The following DPH6 variants were observed in gnomAD, a reference collection of about 807,000 sequenced individuals.
The protein encoded by DPH6 is diphthine--ammonia ligase.
A neutral mutation model predicts 38.2 loss-of-function variants in DPH6; 33 were observed. The ratio of observed to expected loss-of-function variants is 0.86; its 90% CI spans 0.65 to 1.15. The LOEUF is 1.15. Among genes scored for constraint, DPH6 ranks in the 50% most tolerant of loss-of-function variants. The pLI, the probability that DPH6 is intolerant of heterozygous loss-of-function variation, is 0.00. For synonymous variants in DPH6, 108 were observed against 103.0 expected, an observed-to-expected ratio of 1.05 and a Z score of -0.30; for missense variants, 325 against 320.0, an observed-to-expected ratio of 1.02 and a Z score of -0.12.
chr15:35,410,726 G>T, intron 6 of DPH6, 109 bp downstream of exon 6: 1 of 777,320 alleles, frequency 1.3e-6, no homozygotes. Flanking sequence ...TATTATGAAT[G>T]TATTTGATTT....
chr15:35,261,391 C>CT (rs1007434304), intron 3 of DPH6, among the ~76,000 whole-genome samples: 1 of 152,122 alleles, frequency 6.6e-6, no homozygotes, highest in African/African-American at 2.4e-5. Context: ...TCTTGAAGAT[C>CT]TTTTTTCTGT....
intron 3 of DPH6, among the ~76,000 whole-genome samples, chr15:35,222,557 C>T (rs1203621444): frequency 2.0e-5 from 3 of 152,056 alleles, no homozygotes; most frequent in South Asian, 2.1e-4. Flanking sequence ...TTCAGGTCAT[C>T]GGTAGATGAG....
the DPH6 span, among the ~76,000 whole-genome samples, chr15:35,153,341 A>AT: frequency 6.6e-6 from 1 of 152,110 alleles, no homozygotes; most frequent in African/African-American, 2.4e-5. Flanking sequence ...TTTATATTTT[A>AT]TTTTTCCCCT....
intron 3 of DPH6, among the ~76,000 whole-genome samples, chr15:35,265,304 G>A (rs545204508): frequency 2.0e-5 from 3 of 152,162 alleles, no homozygotes; most frequent in South Asian, 2.1e-4. Flanking sequence ...CTTTCAGCCC[G>A]GCCACAAAAA....
rs565155449 is a variant in DPH6 at position 35,391,637 on chromosome 15, G to C, written c.568-9721C>G. On this transcript the variant is annotated intron_variant, in intron 6 of 8. Coordinates refer to ENST00000256538, the MANE Select transcript of DPH6 (RefSeq NM_080650.4). Reference sequence around the variant, plus strand: ...AGGCTCCGTGGGCGTAGGACCCTCCGAACCAGGTGTGGGATATAATCTCCT... The same window carrying C: ...AGGCTCCGTGGGCGTAGGACCCTCCCAACCAGGTGTGGGATATAATCTCCT... Among the ~76,000 whole-genome samples the C allele has an allele frequency of 5.9e-5, 9 of 152,326 alleles. 1 individual carries two copies. The highest frequency in any genetic ancestry group is 2.2e-4 in the African/African-American group (9 of 41,588).
chr15:35,299,447 T>C (rs371099656), intron 3 of DPH6: 1 of 778,202 alleles, frequency 1.3e-6, no homozygotes. Flanking sequence ...ACATCTTTTC[T>C]TCGGTTTAAT....
At chr15:35,443,547 A>G (rs1385675181) in intron 5 of DPH6, among the ~76,000 whole-genome samples, 1 of 152,178 alleles carries the variant, frequency 6.6e-6, no homozygotes, top group Admixed American at 6.5e-5. Context: ...AAAGGGAAGG[A>G]TATGTGCTTT....
chr15:35,295,127 C>T (rs1417947677), intron 3 of DPH6, among the ~76,000 whole-genome samples: 1 of 152,180 alleles, frequency 6.6e-6, no homozygotes, highest in Admixed American at 6.5e-5. Context: ...GTGAAGAAGG[C>T]TAATATGGGC....
chr15:35,423,947 T>C (rs1291957546), intron 5 of DPH6, among the ~76,000 whole-genome samples: 1 of 151,760 alleles, frequency 6.6e-6, no homozygotes, highest in African/African-American at 2.4e-5. Flanking sequence ...TTTATGCCAG[T>C]GCCATTCTGT....
chr15:35,455,646 C>A (rs1046977113), intron 3 of DPH6, among the ~76,000 whole-genome samples: 1 of 152,122 alleles, frequency 6.6e-6, no homozygotes, highest in African/African-American at 2.4e-5. Flanking sequence ...AGATAATACA[C>A]TTAGGGAAGA....
intron 3 of DPH6, among the ~76,000 whole-genome samples, chr15:35,525,829 G>T (rs1289631181): frequency 2.0e-5 from 3 of 152,062 alleles, no homozygotes; most frequent in Non-Finnish European, 4.4e-5. Flanking sequence ...GACAGAATAA[G>T]ACCCTATCTC....
At chr15:35,264,841 G>C (rs2051773230) in intron 3 of DPH6, among the ~76,000 whole-genome samples, 4 of 152,232 alleles carry the variant, frequency 2.6e-5, no homozygotes, top group Non-Finnish European at 5.9e-5. Context: ...GATGTTCTGA[G>C]AGAAGAAAGG....
At chr15:35,523,998 T>C (rs1176247451) in intron 3 of DPH6, among the ~76,000 whole-genome samples, 1 of 152,012 alleles carries the variant, frequency 6.6e-6, no homozygotes, top group Non-Finnish European at 1.5e-5. Flanking sequence ...GTGGTTTTTT[T>C]TTTCTTTTTC....
At chr15:35,483,472 A>G (rs1274597575) in intron 3 of DPH6, among the ~76,000 whole-genome samples, 1 of 148,406 alleles carries the variant, frequency 6.7e-6, no homozygotes, top group Non-Finnish European at 1.5e-5. Flanking sequence ...TCAAAAAAAA[A>G]CCAAAAAAAA....
chr15:35,307,548 A>AC (rs2052102304), intron 3 of DPH6, among the ~76,000 whole-genome samples: 1 of 152,204 alleles, frequency 6.6e-6, no homozygotes, highest in African/African-American at 2.4e-5. Context: ...TGGGTTAACT[A>AC]ACAAAATTGA....
intron 3 of DPH6, among the ~76,000 whole-genome samples, chr15:35,270,139 A>G (rs2051813483): frequency 6.6e-6 from 1 of 152,206 alleles, no homozygotes; most frequent in South Asian, 2.1e-4. Flanking sequence ...ATTAACTGAA[A>G]TGTAAGATGC....
At chr15:35,368,900 G>A (rs1158004991), downstream of DPH6, among the ~76,000 whole-genome samples, 1 of 151,692 alleles carries the variant, frequency 6.6e-6, no homozygotes, top group Non-Finnish European at 1.5e-5. Context: ...TAGAAAGAGA[G>A]TGACTTTAGA....
chr15:35,317,944 G>A (rs2052207692), intron 3 of DPH6, among the ~76,000 whole-genome samples: 1 of 151,672 alleles, frequency 6.6e-6, no homozygotes, highest in South Asian at 2.1e-4. Flanking sequence ...CAATAAAGGG[G>A]GGAACAGAAT....
At chr15:35,365,085 C>T (rs529353173) in intron 3 of DPH6, among the ~76,000 whole-genome samples, 1 of 152,082 alleles carries the variant, frequency 6.6e-6, no homozygotes, top group Admixed American at 6.6e-5. Context: ...TCAAACACAA[C>T]TCAAACACAA....
Sources: allele counts gnomAD v4.1 joint callset (sites outside exome capture counted in the v4.1 genomes callset), GRCh38; gene constraint gnomAD v4.1.1; transcripts MANE v1.5; gene names NCBI Gene and HGNC (gene_info 2026-07-23, HGNC 2026-07-21).